GPC5: variants seen among roughly 807,000 people sequenced by gnomAD.
The protein encoded by GPC5 is glypican 5.
A neutral mutation model predicts 53.9 loss-of-function variants in GPC5; 47 were observed. The ratio of observed to expected loss-of-function variants is 0.87; its 90% confidence interval spans 0.69 to 1.11. The LOEUF (loss-of-function observed/expected upper bound fraction) is 1.11, where lower values mean the gene tolerates loss of function less well. GPC5 is among the 50% of genes most tolerant of loss of function. The pLI, the probability that GPC5 is intolerant of heterozygous loss-of-function variation, is 0.00. For missense variants in GPC5, 748 were observed against 713.1 expected (o/e 1.05, Z -0.56); for synonymous variants, 286 against 263.3 (o/e 1.09, Z -0.84).
At chr13:92,385,411 CATAT>C (rs1279962284) in intron 7 of GPC5, among the ~76,000 whole-genome samples, 4 of 35,610 alleles carry the variant, frequency 1.1e-4, no homozygotes, top group Non-Finnish European at 2.1e-4. Context: ...CATATATACA[CATAT>C]ATATACATAT....
At chr13:92,023,993 C>G (rs1174955748) in intron 6 of GPC5, among the ~76,000 whole-genome samples, 1 of 152,060 alleles carries the variant, frequency 6.6e-6, no homozygotes, top group Non-Finnish European at 1.5e-5. Context: ...ACCCATTTCA[C>G]AAATGAAAAA....
At chr13:92,126,400 G>A (rs1220264634) in intron 6 of GPC5, among the ~76,000 whole-genome samples, 1 of 152,202 alleles carries the variant, frequency 6.6e-6, no homozygotes, top group Non-Finnish European at 1.5e-5. Flanking sequence ...GTAAATAGAT[G>A]TCTTGCACAT....
intron 7 of GPC5, among the ~76,000 whole-genome samples, chr13:92,615,445 T>C (rs1264964632): frequency 6.6e-6 from 1 of 152,178 alleles, no homozygotes; most frequent in African/African-American, 2.4e-5. Context: ...GCAGGATTAC[T>C]GGGAGGGAAC....
rs1481687635 is a variant in GPC5, at chr13:92,385,519, C to CATATATACAT, written c.1561+240534_1561+240535insATACATATAT. ...ATACATACATATACATATATACATA[C>CATATATACAT]ATATGCATATATACATATATGCATA... is the stretch of plus-strand genomic sequence containing the variant. On this transcript the variant is annotated intron_variant, in intron 7 of 7. Transcript: ENST00000377067. Among the ~76,000 whole-genome samples the CATATATACAT allele has an allele frequency of 9.0e-4, 67 of 74,134 alleles. 2 individuals carry two copies. The highest frequency in any genetic ancestry group is 6.8e-3 in the East Asian group (15 of 2,216). 48.6% of individuals were successfully genotyped at this position (74,134 alleles called of 152,430 possible). A position where few individuals can be genotyped will look rare whatever the true frequency, so the allele number is the denominator to read the frequency against.
chr13:92,748,573 G>A (rs1042239163), intron 7 of GPC5, among the ~76,000 whole-genome samples: 5 of 151,640 alleles, frequency 3.3e-5, no homozygotes, highest in Non-Finnish European at 4.4e-5. Flanking sequence ...CACCTGCCTC[G>A]GCCTCCCAAA....
intron 7 of GPC5, among the ~76,000 whole-genome samples, chr13:92,331,787 A>G (rs1352425740): frequency 6.6e-6 from 1 of 152,086 alleles, no homozygotes; most frequent in Non-Finnish European, 1.5e-5. Context: ...AGCCTGATTT[A>G]AGCCACGGTT....
rs1319074745 is a variant in GPC5 at position 92,564,503 on chromosome 13, T to G, written c.1562-301779T>G. 2.0e-5 allele frequency among the ~76,000 whole-genome samples: 3 copies of G among 152,194 alleles called. No homozygotes were observed. In the East Asian group the frequency reaches 5.8e-4, roughly 29 times the overall value. ...TCCTGCTTCATTTTATTTTTTGGTGTTTAATTAATTATTTTATAATTTCAT... is the reference window on the plus strand; with the variant it reads ...TCCTGCTTCATTTTATTTTTTGGTGGTTAATTAATTATTTTATAATTTCAT... On this transcript the variant is annotated intron_variant, in intron 7 of 7. Coordinates refer to ENST00000377067, the MANE Select transcript of GPC5 (RefSeq NM_004466.6).
At chr13:92,393,390 CT>C (rs1875114291) in intron 7 of GPC5, among the ~76,000 whole-genome samples, 1 of 152,158 alleles carries the variant, frequency 6.6e-6, no homozygotes, top group Non-Finnish European at 1.5e-5. Flanking sequence ...TGGCTCACAC[CT>C]GTAATTCCAG....
chr13:91,793,308 C>G (rs963107114), intron 5 of GPC5, among the ~76,000 whole-genome samples: 1 of 152,080 alleles, frequency 6.6e-6, no homozygotes, highest in Non-Finnish European at 1.5e-5. Context: ...AAAACCGCCC[C>G]CATGATTCAG....
chr13:91,566,220 C>T (rs566173670), intron 2 of GPC5, among the ~76,000 whole-genome samples: 3 of 152,136 alleles, frequency 2.0e-5, no homozygotes, highest in African/African-American at 4.8e-5. Flanking sequence ...TCTTAGGAAA[C>T]TATGTCTAAA....
intron 7 of GPC5, among the ~76,000 whole-genome samples, chr13:92,512,789 G>C (rs1445064140): frequency 2.0e-5 from 3 of 152,150 alleles, no homozygotes; most frequent in Non-Finnish European, 4.4e-5. Context: ...AACATTCTTA[G>C]AATCAGTTTT....
chr13:92,485,281 C>T (rs192888730), intron 7 of GPC5, among the ~76,000 whole-genome samples: 1 of 152,244 alleles, frequency 6.6e-6, no homozygotes, highest in East Asian at 1.9e-4. Flanking sequence ...AGGAAGTTGA[C>T]ATTTCAGGCA....
intron 7 of GPC5, among the ~76,000 whole-genome samples, chr13:92,669,855 G>T (rs1041035584): frequency 3.9e-5 from 6 of 152,290 alleles, no homozygotes; most frequent in South Asian, 4.1e-4. Flanking sequence ...TCCCTTCATA[G>T]TCAATAGCCA....
intron 6 of GPC5, among the ~76,000 whole-genome samples, chr13:92,065,627 T>A (rs9523501): frequency 0.43 from 65,786 of 151,942 alleles, 15,802 homozygotes; most frequent in East Asian, 0.79. Context: ...TTTTGACTCC[T>A]AAAAGACTCA....
intron 6 of GPC5, among the ~76,000 whole-genome samples, chr13:92,136,265 C>A (rs1970057): frequency 6.6e-6 from 1 of 151,916 alleles, no homozygotes; most frequent in African/African-American, 2.4e-5. Context: ...TACACATTTC[C>A]TTATGGGTTT....
intron 6 of GPC5, among the ~76,000 whole-genome samples, chr13:92,115,804 A>T (rs529689667): frequency 1.3e-5 from 2 of 151,794 alleles, no homozygotes; most frequent in South Asian, 2.1e-4. Flanking sequence ...ATTGTGGTGC[A>T]CCCCCCACCC....
At chr13:91,840,625 T>C (rs528610720) in intron 5 of GPC5, among the ~76,000 whole-genome samples, 27 of 152,066 alleles carry the variant, frequency 1.8e-4, no homozygotes, top group African/African-American at 6.3e-4. Context: ...CATTTGACCA[T>C]GTAATTTCAT....
intron 5 of GPC5, among the ~76,000 whole-genome samples, chr13:91,850,435 C>T (rs1156768920): frequency 6.6e-6 from 1 of 152,044 alleles, no homozygotes; most frequent in Non-Finnish European, 1.5e-5. Context: ...TAATGCTGCC[C>T]TCTGCCCTTA....
chr13:92,596,613 A>C (rs1883890564), intron 7 of GPC5, among the ~76,000 whole-genome samples: 1 of 152,092 alleles, frequency 6.6e-6, no homozygotes, highest in African/African-American at 2.4e-5. Flanking sequence ...AGCTGGGACA[A>C]CATGCGCACG....
Sources: gnomAD v4.1 joint callset for allele counts (sites outside exome capture counted in the v4.1 genomes callset) on GRCh38, gnomAD v4.1.1 for gene constraint, MANE v1.5 for transcripts, NCBI Gene and HGNC (gene_info 2026-07-23, HGNC 2026-07-21) for gene names.